The following DAAM1 variants were observed in gnomAD, a reference collection of about 807,000 sequenced individuals.
The protein encoded by DAAM1 is dishevelled associated activator of morphogenesis 1.
In DAAM1, 52 loss-of-function variants were observed where a neutral mutation model predicts 130.0. The ratio of observed to expected loss-of-function variants is 0.40; its 90% CI spans 0.32 to 0.50. The LOEUF (loss-of-function observed/expected upper bound fraction) is 0.50, where lower values mean the gene tolerates loss of function less well. DAAM1 is among the 20% of genes least tolerant of loss of function. DAAM1 has a pLI of 0.61. For missense variants in DAAM1, 1,134 were observed against 1,303.8 expected (o/e 0.87, Z 2.01); for synonymous variants, 452 against 444.5 (o/e 1.02, Z -0.21).
At chr14:59,198,663 C>T (rs1406162613) in intron 1 of DAAM1, among the ~76,000 whole-genome samples, 1 of 152,124 alleles carries the variant, frequency 6.6e-6, no homozygotes. Flanking sequence ...ATGTGGGTGA[C>T]TTTTCTAATG....
In DAAM1 at chr14:59,369,428, T is replaced by C. The variant is rs1286887361; in HGVS notation, c.*569T>C. On this transcript the variant is annotated 3_prime_UTR_variant, in exon 25 of 25. Transcript: ENST00000360909. ...ACCAGCTTTGAATTTCTGACATTGG[T>C]GTGGGGATACAGTCTGTAAATGTTT... The C allele has an allele frequency of 6.6e-6, 1 of 152,640 alleles. No individual in the cohort carries two copies. The allele number at this position is 152,640 out of a possible 1,614,324, so 9.5% of individuals were successfully genotyped here. A position where few individuals can be genotyped will look rare whatever the true frequency, so the allele number is the denominator to read the frequency against.
intron 6 of DAAM1, among the ~76,000 whole-genome samples, chr14:59,323,808 G>A (rs905002330): frequency 2.0e-5 from 3 of 151,986 alleles, no homozygotes; most frequent in African/African-American, 4.8e-5. Flanking sequence ...TGAGGCAGGC[G>A]GATCGCAAGG....
Position 59,360,800 on chromosome 14 carries a change from A to G in DAAM1, c.2634-2A>G. 6.2e-7 allele frequency: 1 copy of G among 1,613,688 alleles called. No homozygotes were observed. The highest frequency in any genetic ancestry group is 8.5e-7 in the Non-Finnish European group (1 of 1,179,818). On this transcript the variant is annotated splice_acceptor_variant, in intron 21 of 24. Transcript: ENST00000360909. LOFTEE classifies it high-confidence loss of function. Reference sequence around the variant, plus strand: ...TTGCTAAAACATTGCTATTTACAACAGCATGACTGAGCTGGACAAAGAAAT... The same window carrying G: ...TTGCTAAAACATTGCTATTTACAACGGCATGACTGAGCTGGACAAAGAAAT...
At chr14:59,291,951 A>G (rs1883756900) in intron 3 of DAAM1, among the ~76,000 whole-genome samples, 1 of 152,166 alleles carries the variant, frequency 6.6e-6, no homozygotes, top group African/African-American at 2.4e-5. Flanking sequence ...GATGGGGAGA[A>G]TGGATATAGG....
chr14:59,363,818 C>T (rs780867921), intron 23 of DAAM1, 36 bp downstream of exon 23: 1 of 1,610,022 alleles, frequency 6.2e-7, no homozygotes, highest in Non-Finnish European at 8.5e-7. Context: ...TGTTGTTTGA[C>T]CGGGCTGGGC....
intron 2 of DAAM1, among the ~76,000 whole-genome samples, chr14:59,270,230 G>T (rs559985086): frequency 5.8e-4 from 89 of 152,172 alleles, no homozygotes; most frequent in African/African-American, 2.1e-3. Flanking sequence ...AATTTATAGA[G>T]AAAAAAATTA....
At chr14:59,354,888 C>T (rs992483035) in intron 19 of DAAM1, among the ~76,000 whole-genome samples, 2 of 152,202 alleles carry the variant, frequency 1.3e-5, no homozygotes, top group Non-Finnish European at 2.9e-5. Flanking sequence ...TTCCTCAGTG[C>T]TTATGACTGA....
Position 59,327,070 on chromosome 14 carries a change from C to A in DAAM1, c.1372+79C>A. The A allele has an allele frequency of 4.0e-6, 6 of 1,502,014 alleles. No homozygotes were observed. In the South Asian group the frequency reaches 5.8e-5, roughly 15 times the overall value. 93.0% of individuals were successfully genotyped at this position (1,502,014 alleles called of 1,614,324 possible). A position where few individuals can be genotyped will look rare whatever the true frequency, so the allele number is the denominator to read the frequency against. ...GATTTCCATATATTTTGGAAATTTA[C>A]ATTGATGTTTCTTGTTAGCTTGGTG... is the stretch of plus-strand genomic sequence containing the variant. On this transcript the variant is annotated intron_variant, in intron 12 of 24. Transcript: ENST00000360909.
intron 1 of DAAM1, among the ~76,000 whole-genome samples, chr14:59,217,970 CAAAAA>C (rs529262981): frequency 1.8e-5 from 2 of 109,774 alleles, no homozygotes; most frequent in Non-Finnish European, 3.9e-5. Context: ...GACTCTGTCT[CAAAAA>C]AAAAAAAAAG....
intron 1 of DAAM1, among the ~76,000 whole-genome samples, chr14:59,235,789 TTC>T (rs1889277463): frequency 6.6e-6 from 1 of 152,202 alleles, no homozygotes; most frequent in Non-Finnish European, 1.5e-5. Context: ...TTACATAAAT[TTC>T]CCTTTTAACA....
intron 3 of DAAM1, among the ~76,000 whole-genome samples, chr14:59,292,446 A>G (rs1883784288): frequency 6.6e-6 from 1 of 152,112 alleles, no homozygotes; most frequent in Non-Finnish European, 1.5e-5. Context: ...GGAGCATCTT[A>G]CATTACTCAA....
At chr14:59,301,248 A>T (rs1884160512) in intron 3 of DAAM1, among the ~76,000 whole-genome samples, 1 of 152,188 alleles carries the variant, frequency 6.6e-6, no homozygotes, top group African/African-American at 2.4e-5. Flanking sequence ...ATTAAAAACA[A>T]AAACTCAAGG....
At chr14:59,349,038 T>G (rs905510150) in intron 17 of DAAM1, among the ~76,000 whole-genome samples, 2 of 152,238 alleles carry the variant, frequency 1.3e-5, no homozygotes, top group Non-Finnish European at 2.9e-5. Context: ...AAAATTTATT[T>G]TGAGAGCATT....
rs981792628 is a variant in DAAM1 at position 59,236,411 on chromosome 14, C to G, written c.-37-27030C>G. 2.0e-5 allele frequency among the ~76,000 whole-genome samples: 3 copies of G among 152,140 alleles called. No homozygotes were observed. The East Asian group carries it at 5.8e-4, about 29-fold the overall frequency. On this transcript the variant is annotated intron_variant, in intron 1 of 24. Transcript: ENST00000360909. ...CCTCTTCCTCTTGTCCACTGTGCTT[C>G]AAGTACATTCGCCGCCTTTTTGTTT...
At chr14:59,241,408 G>A (rs1027503385) in intron 1 of DAAM1, among the ~76,000 whole-genome samples, 4 of 152,182 alleles carry the variant, frequency 2.6e-5, no homozygotes, top group African/African-American at 4.8e-5. Flanking sequence ...AGAGTGAAAA[G>A]GAAAACATTG....
chr14:59,214,710 T>C lies in DAAM1; in HGVS notation c.-38+25942T>C, dbSNP rs1284558545. Among the ~76,000 whole-genome samples the C allele has an allele frequency of 2.6e-5, 4 of 152,264 alleles. No individual in the cohort carries two copies. In the East Asian group the frequency reaches 7.7e-4, roughly 29 times the overall value. On this transcript the variant is annotated intron_variant, in intron 1 of 24. Coordinates refer to ENST00000360909, the MANE Select transcript of DAAM1 (RefSeq NM_001270520.2). Reference sequence around the variant, plus strand: ...CATTCTTTTTTATTGCAAAATAATATTCTGTTTTATAGATATACCACATTT... The same window carrying C: ...CATTCTTTTTTATTGCAAAATAATACTCTGTTTTATAGATATACCACATTT...
At chr14:59,197,650 G>A (rs1417572768) in intron 1 of DAAM1, among the ~76,000 whole-genome samples, 1 of 152,190 alleles carries the variant, frequency 6.6e-6, no homozygotes, top group Non-Finnish European at 1.5e-5. Flanking sequence ...TCTGCTAAGG[G>A]CTGGTTAAAA....
chr14:59,335,586 C>T (rs1885596109), intron 15 of DAAM1, among the ~76,000 whole-genome samples: 1 of 152,166 alleles, frequency 6.6e-6, no homozygotes, highest in African/African-American at 2.4e-5. Flanking sequence ...GCTAAAGGCA[C>T]TACATTTACC....
intron 1 of DAAM1, among the ~76,000 whole-genome samples, chr14:59,254,865 T>A (rs921819307): frequency 6.6e-6 from 1 of 152,192 alleles, no homozygotes; most frequent in Non-Finnish European, 1.5e-5. Context: ...ACATGCAGAG[T>A]TGGGCATAGT....
Sources: allele counts gnomAD v4.1 joint callset (sites outside exome capture counted in the v4.1 genomes callset), GRCh38; gene constraint gnomAD v4.1.1; transcripts MANE v1.5; gene names NCBI Gene and HGNC (gene_info 2026-07-23, HGNC 2026-07-21).